The following HNRNPD variants were observed in gnomAD, a reference collection of about 807,000 sequenced individuals.
HNRNPD encodes heterogeneous nuclear ribonucleoprotein D0.
Under a neutral mutation model 47.9 loss-of-function variants are expected in HNRNPD, and 3 were observed. The observed-to-expected ratio is 0.06, with a 90% confidence interval of 0.03 to 0.16. The LOEUF (loss-of-function observed/expected upper bound fraction) is 0.16. HNRNPD is among the 10% of genes least tolerant of loss of function. The probability of loss-of-function intolerance (pLI) is 1.00; values close to 1 mark genes in which losing one functional copy is unlikely to be tolerated. For synonymous variants in HNRNPD, 171 were observed against 165.1 expected (o/e 1.04, Z -0.28); for missense variants, 287 against 454.2 (o/e 0.63, Z 3.35).
intron 8 of HNRNPD, 107 bp from the exon 9 acceptor site, chr4:82,354,261 T>C (rs1280166458): frequency 6.6e-6 from 1 of 152,280 alleles, no homozygotes; most frequent in Non-Finnish European, 1.5e-5. Flanking sequence ...ATGTAAATAC[T>C]GTATAACATT....
intron 2 of HNRNPD, among the ~76,000 whole-genome samples, chr4:82,362,446 C>A (rs1719506049): frequency 1.3e-5 from 2 of 150,178 alleles, no homozygotes; most frequent in African/African-American, 4.9e-5. Flanking sequence ...CTGTTCTAAT[C>A]AAAAAAGGTT....
Position 82,359,622 on chromosome 4 carries a change from C to T in HNRNPD, c.308G>A (p.Gly103Asp). ...QREEWKMFIG[G>D]LSWDTTKKDL... The stretch of plus-strand genomic sequence containing the variant: ...TTTCTTTGTAGTGTCCCAGCTAAGG[C>T]CTCCTATAAACATTTTCCTGTAAAG... Residue 103 changes from glycine (G) to aspartate (D), a missense_variant, in exon 3 of 9, where the codon GGC (glycine) becomes GAC (aspartate). Gly to Asp is a moderately conservative substitution (Grantham distance 94). This residue lies in a region of HNRNPD where 22 missense variants were observed against 74.6 expected (regional missense o/e 0.30). Coordinates refer to ENST00000313899, the MANE Select transcript of HNRNPD (RefSeq NM_031370.3). 6.4e-7 allele frequency: 1 copy of T among 1,559,510 alleles called. No homozygotes were observed. Among genetic ancestry groups the T allele is most frequent in the Non-Finnish European group, 8.8e-7 (1 of 1,141,576 alleles).
intron 1 of HNRNPD, 49 bp downstream of exon 1, chr4:82,373,397 G>T (rs755227795): frequency 2.0e-6 from 3 of 1,523,116 alleles, no homozygotes; most frequent in Admixed American, 2.0e-5. Context: ...AATAAAGAGG[G>T]GGAGGGGGAC....
At chr4:82,370,149 A>T (rs1719966261) in intron 2 of HNRNPD, among the ~76,000 whole-genome samples, 1 of 152,222 alleles carries the variant, frequency 6.6e-6, no homozygotes, top group African/African-American at 2.4e-5. Flanking sequence ...TCTCAAAAAT[A>T]AAATAAACCT....
rs1459090958 is a variant in HNRNPD at position 82,359,495 on chromosome 4, A to G, written c.435T>C (p.Phe145=). 1.9e-6 allele frequency: 3 copies of G among 1,589,752 alleles called. No individual in the cohort carries two copies. Among genetic ancestry groups the G allele is most frequent in the Non-Finnish European group, 2.6e-6 (3 of 1,161,898 alleles). The change falls in exon 3 of 9, where the codon TTT becomes TTC. Residue 145 remains phenylalanine (F), a synonymous_variant. Coordinates refer to ENST00000313899, the MANE Select transcript of HNRNPD (RefSeq NM_031370.3). Reference sequence around the variant, plus strand: ...CCTTATCTACACTCTCCGATTCTTTAAATAGCACAAAGCCAAAACCCCTTG... The same window carrying G: ...CCTTATCTACACTCTCCGATTCTTTGAATAGCACAAAGCCAAAACCCCTTG... ...GRSRGFGFVL[F]KESESVDKVM... is the part of the protein sequence containing the mutation.
In HNRNPD at chr4:82,358,569, T is replaced by C. The variant is rs35965249; in HGVS notation, c.621+90A>G. 238,951 of 1,193,770 alleles carry C rather than the reference T, an allele frequency of 0.2. 25,925 individuals carry two copies. The highest frequency in any genetic ancestry group is 0.23 in the Middle Eastern group (774 of 3,356). 73.9% of individuals were successfully genotyped at this position (1,193,770 alleles called of 1,614,324 possible). A position where few individuals can be genotyped will look rare whatever the true frequency, so the allele number is the denominator to read the frequency against. ...GATCACATAATCTACCCTAACAGCT[T>C]TGAAAAGCCAAGTGACTCTGAGTCC... On this transcript the variant is annotated intron_variant, in intron 4 of 8. Transcript: ENST00000313899.
At position 82,355,411 on chromosome 4, in the gene HNRNPD, A is replaced by T; in HGVS notation, c.1001-10T>A. 6.2e-7 allele frequency: 1 copy of T among 1,606,970 alleles called. No individual in the cohort carries two copies. Among genetic ancestry groups the T allele is most frequent in the South Asian group, 1.1e-5 (1 of 90,928 alleles). The stretch of plus-strand genomic sequence containing the variant: ...TAACCACTCTGCTGGTCTAAAATAA[A>T]ACAAGTGTTAGAACCAGAACGGTAG... On this transcript the variant is annotated splice_polypyrimidine_tract_variant and intron_variant, in intron 7 of 8. Transcript: ENST00000313899.
intron 5 of HNRNPD, 25 bp downstream of exon 5, chr4:82,357,288 A>C: frequency 6.3e-7 from 1 of 1,592,000 alleles, no homozygotes; most frequent in Non-Finnish European, 8.5e-7. Context: ...AGTTTTCTCT[A>C]CAAGTAAATG....
rs1420815605 is a variant in HNRNPD at position 82,352,880 on chromosome 4, CA to C, written c.*1304del. 2 of 152,160 alleles carry C rather than the reference CA, an allele frequency of 1.3e-5. No homozygotes were observed. Among genetic ancestry groups the C allele is most frequent in the Non-Finnish European group, 2.9e-5 (2 of 68,028 alleles). The allele number at this position is 152,160 out of a possible 1,614,324, so 9.4% of individuals were successfully genotyped here. ...ATTCTTAGCATCAGATGTAACTCCA[CA>C]AAAGTAAGAAAGGTATTCCATCACT... On this transcript the variant is annotated 3_prime_UTR_variant, in exon 9 of 9. Coordinates refer to ENST00000313899, the MANE Select transcript of HNRNPD (RefSeq NM_031370.3).
At chr4:82,356,464 A>T in intron 7 of HNRNPD, 73 bp downstream of exon 7, 1 of 1,272,430 alleles carries the variant, frequency 7.9e-7, no homozygotes, top group Non-Finnish European at 1.1e-6. Context: ...AGGCTACACT[A>T]ACCTTTCTGC....
chr4:82,371,739 G>A (rs1720055994), intron 1 of HNRNPD, among the ~76,000 whole-genome samples, 155 bp from the exon 2 acceptor site: 1 of 152,142 alleles, frequency 6.6e-6, no homozygotes, highest in Non-Finnish European at 1.5e-5. Flanking sequence ...CTAACAGAAA[G>A]CCTGCCCCAA....
chr4:82,365,380 A>G (rs565421592), intron 2 of HNRNPD, among the ~76,000 whole-genome samples: 1 of 152,322 alleles, frequency 6.6e-6, no homozygotes, highest in Non-Finnish European at 1.5e-5. Context: ...GAATTTTTCC[A>G]GTATTTTATC....
intron 3 of HNRNPD, 145 bp from the exon 4 acceptor site, chr4:82,358,965 T>A: frequency 1.6e-6 from 1 of 640,756 alleles, no homozygotes; most frequent in Non-Finnish European, 2.6e-6. Flanking sequence ...GTCATGGTGG[T>A]GATGTAACAT....
At chr4:82,371,715 T>C (rs891557217) in intron 1 of HNRNPD, 131 bp from the exon 2 acceptor site, 2 of 628,362 alleles carry the variant, frequency 3.2e-6, no homozygotes, top group Admixed American at 5.9e-5. Flanking sequence ...GCTTTGCGAT[T>C]TGAATTATCA....
intron 2 of HNRNPD, 101 bp downstream of exon 2, chr4:82,371,427 G>T: frequency 1.1e-6 from 1 of 896,818 alleles, no homozygotes; most frequent in Non-Finnish European, 1.8e-6. Flanking sequence ...CTATGGTCTA[G>T]AATTTCCTGG....
In HNRNPD at chr4:82,365,558, G is replaced by A. The variant is rs865803100; in HGVS notation, c.291-5919C>T. Among the ~76,000 whole-genome samples the A allele has an allele frequency of 3.3e-5, 5 of 151,602 alleles. No homozygotes were observed. The East Asian group carries it at 9.7e-4, about 29-fold the overall frequency. Reference sequence around the variant, plus strand: ...GGAGAGAGCTTGACAAGCTTTCATCGAGTTCAAATACTAACCAGCCTTTTT... The same window carrying A: ...GGAGAGAGCTTGACAAGCTTTCATCAAGTTCAAATACTAACCAGCCTTTTT... On this transcript the variant is annotated intron_variant, in intron 2 of 8. Coordinates refer to ENST00000313899, the MANE Select transcript of HNRNPD (RefSeq NM_031370.3).
chr4:82,373,948 C>T lies in HNRNPD; in HGVS notation c.-270G>A, dbSNP rs532674926. Reference sequence around the variant, plus strand: ...CCAGCGGCGGCCGCTCTCGCCTCCTCCTCGCTTTAATGGCGCCGCCGCGGA... The same window carrying T: ...CCAGCGGCGGCCGCTCTCGCCTCCTTCTCGCTTTAATGGCGCCGCCGCGGA... On this transcript the variant is annotated 5_prime_UTR_variant, in exon 1 of 9. Coordinates refer to ENST00000313899, the MANE Select transcript of HNRNPD (RefSeq NM_031370.3). The T allele has an allele frequency of 1.3e-6, 1 of 749,930 alleles. No individual in the cohort carries two copies. Among genetic ancestry groups the T allele is most frequent in the East Asian group, 3.3e-5 (1 of 29,934 alleles). The allele number at this position is 749,930 out of a possible 1,614,324, so 46.5% of individuals were successfully genotyped here.
At chr4:82,364,985 G>T (rs1051861773) in intron 2 of HNRNPD, among the ~76,000 whole-genome samples, 1 of 152,020 alleles carries the variant, frequency 6.6e-6, no homozygotes, top group Non-Finnish European at 1.5e-5. Flanking sequence ...CCTTATTCAA[G>T]GTAAAAAGTT....
rs1266548920 is a variant in HNRNPD, at chr4:82,373,482, G to A, written c.197C>T (p.Ala66Val). 2 of 1,556,736 alleles carry A rather than the reference G, an allele frequency of 1.3e-6. No homozygotes were observed. Among genetic ancestry groups the A allele is most frequent in the East Asian group, 2.4e-5 (1 of 41,432 alleles). ...CTCGTTCTTACTGGCGTCAATCTTC[G>A]CCCCCTCCGACTCGGCGCTGCCCCC... Reference protein sequence around the residue: ...TEGGSAESEGAKIDASKNEED... With the variant: ...TEGGSAESEGVKIDASKNEED... The change falls in exon 1 of 9, where the codon GCG (alanine) becomes GTG (valine). Residue 66 changes from alanine to valine, a missense_variant. Physicochemically the swap from Ala to Val is moderately conservative, Grantham distance 64. Around this residue, in one of 5 missense-constraint regions of HNRNPD, gnomAD observed 161 missense variants for 137.1 expected, o/e 1.17. Coordinates refer to ENST00000313899, the MANE Select transcript of HNRNPD (RefSeq NM_031370.3).
Sources: gnomAD v4.1 joint callset for allele counts (sites outside exome capture counted in the v4.1 genomes callset) on GRCh38, gnomAD v4.1.1 for gene constraint, gnomAD v4.1.1 regional missense constraint, MANE v1.5 for transcripts, NCBI Gene and HGNC (gene_info 2026-07-23, HGNC 2026-07-21) for gene names.